DIS3L: variants seen among roughly 807,000 people sequenced by gnomAD.
DIS3L encodes the protein DIS3 like exosome 3'-5' exoribonuclease, also known as DIS3-like exonuclease 1.
In DIS3L, 100 loss-of-function variants were observed where a neutral mutation model predicts 120.3. The ratio of observed to expected loss-of-function variants is 0.83; its 90% CI spans 0.71 to 0.98. The LOEUF is 0.98. Among genes scored for constraint, DIS3L ranks in the 50% least tolerant of loss-of-function variants. DIS3L has a pLI of 0.00. For synonymous variants in DIS3L, 426 were observed against 470.6 expected, an observed-to-expected ratio of 0.91 and a Z score of 1.23; for missense variants, 1,196 against 1,314.2, an observed-to-expected ratio of 0.91 and a Z score of 1.39.
chr15:66,308,069 G>A (rs938805959), intron 3 of DIS3L, among the ~76,000 whole-genome samples: 1 of 152,158 alleles, frequency 6.6e-6, no homozygotes, highest in African/African-American at 2.4e-5. Flanking sequence ...CTACTCAGGA[G>A]GCTGAGGCAG....
At chr15:66,310,118 T>C (rs2092745796) in intron 4 of DIS3L, among the ~76,000 whole-genome samples, 1 of 152,188 alleles carries the variant, frequency 6.6e-6, no homozygotes, top group Non-Finnish European at 1.5e-5. Flanking sequence ...AGGCCCTGTA[T>C]TACCCCTGTC....
intron 2 of DIS3L, among the ~76,000 whole-genome samples, chr15:66,302,694 C>T (rs1402689437): frequency 2.6e-5 from 4 of 152,146 alleles, no homozygotes; most frequent in African/African-American, 7.2e-5. Flanking sequence ...TCATGGGTCA[C>T]CTACTCCAGG....
At chr15:66,323,845 C>A (rs2092911018) in intron 11 of DIS3L, among the ~76,000 whole-genome samples, 1 of 152,108 alleles carries the variant, frequency 6.6e-6, no homozygotes, top group Non-Finnish European at 1.5e-5. Context: ...CTGTTGCTGG[C>A]TTTTTAAAGT....
chr15:66,319,100 GTTTT>G (rs1290662856), intron 8 of DIS3L, among the ~76,000 whole-genome samples: 1 of 151,960 alleles, frequency 6.6e-6, no homozygotes, highest in Non-Finnish European at 1.5e-5. Context: ...GTGTTTTTAT[GTTTT>G]TTAATTCTTT....
intron 4 of DIS3L, among the ~76,000 whole-genome samples, chr15:66,309,576 G>A (rs1288867615): frequency 6.6e-6 from 1 of 152,076 alleles, no homozygotes; most frequent in Non-Finnish European, 1.5e-5. Context: ...ACAACCCTAT[G>A]AGGTAGGTAT....
chr15:66,329,779 G>A (rs2092980267), intron 14 of DIS3L: 9 of 935,304 alleles, frequency 9.6e-6, no homozygotes, highest in Non-Finnish European at 1.0e-5. Flanking sequence ...GGGTGTGATG[G>A]CACGCGCCTG....
chr15:66,311,261 G>A (rs1020863146), intron 4 of DIS3L, among the ~76,000 whole-genome samples: 1 of 151,860 alleles, frequency 6.6e-6, no homozygotes, highest in Non-Finnish European at 1.5e-5. Context: ...CACTTGGGGG[G>A]CTGAGGTGGG....
chr15:66,293,657 A>T lies in DIS3L; in HGVS notation c.61A>T (p.Ile21Phe), dbSNP rs2092547327. 1 of 1,433,554 alleles carries T rather than the reference A, an allele frequency of 7.0e-7. No individual in the cohort carries two copies. Among genetic ancestry groups the T allele is most frequent in the East Asian group, 3.2e-5 (1 of 31,086 alleles). The allele number at this position is 1,433,554 out of a possible 1,614,324, so 88.8% of individuals were successfully genotyped here. A position where few individuals can be genotyped will look rare whatever the true frequency, so the allele number is the denominator to read the frequency against. The change falls in exon 1 of 17, where the codon ATC becomes TTC. Residue 21 changes from isoleucine (I) to phenylalanine (F), a missense_variant. Coordinates refer to ENST00000319212, the MANE Select transcript of DIS3L (RefSeq NM_001143688.3). Reference sequence around the variant, plus strand: ...GACCTTCCAGGGCCGCACGCTGCGGATCGTGCGCGAGCACTACCTGCGGCC... The same window carrying T: ...GACCTTCCAGGGCCGCACGCTGCGGTTCGTGCGCGAGCACTACCTGCGGCC... ...LRTFQGRTLRIVREHYLRPCV... is the reference protein window; with the variant it reads ...LRTFQGRTLRFVREHYLRPCV...
At chr15:66,298,988 C>T (rs183154880) in intron 2 of DIS3L, among the ~76,000 whole-genome samples, 129 of 152,242 alleles carry the variant, frequency 8.5e-4, no homozygotes, top group African/African-American at 2.7e-3. Flanking sequence ...AGGGATGGGG[C>T]GCCAGGAGAG....
chr15:66,321,835 T>C (rs2140388963), intron 9 of DIS3L, among the ~76,000 whole-genome samples: 1 of 152,230 alleles, frequency 6.6e-6, no homozygotes, highest in South Asian at 2.1e-4. Context: ...TTGATCATTC[T>C]CTTGGAATGT....
chr15:66,311,166 C>T (rs1438298733), intron 4 of DIS3L, among the ~76,000 whole-genome samples: 2 of 151,826 alleles, frequency 1.3e-5, no homozygotes, highest in Admixed American at 6.6e-5. Context: ...AGTTTGAGAC[C>T]AGCCTGGGCA....
chr15:66,326,406 T>C, intron 12 of DIS3L, 42 bp downstream of exon 12: 1 of 1,580,360 alleles, frequency 6.3e-7, no homozygotes, highest in South Asian at 1.1e-5. Context: ...AGTGGCATGC[T>C]GTATATTTAG....
chr15:66,294,839 G>T, intron 1 of DIS3L, 149 bp from the exon 2 acceptor site: 1 of 802,596 alleles, frequency 1.2e-6, no homozygotes, highest in Non-Finnish European at 1.9e-6. Context: ...CCTGAACTTT[G>T]GGCCTCTACC....
rs755441452 is a variant in DIS3L, at chr15:66,306,899, A to G, written c.369A>G (p.Gln123=). 8 of 1,614,054 alleles carry G rather than the reference A, an allele frequency of 5.0e-6. No individual in the cohort carries two copies. The highest frequency in any genetic ancestry group is 2.7e-5 in the African/African-American group (2 of 74,934). The stretch of plus-strand genomic sequence containing the variant: ...TTCTCTTTGCTAATGAATTCCAGCA[A>G]TGCTGCTATCTGCCACGGGAAAGAG... ...DCILFANEFQ[Q]CCYLPRERGE... is the part of the protein sequence containing the mutation. The change falls in exon 3 of 17, where the codon CAA becomes CAG. Residue 123 remains glutamine (Q), a synonymous_variant. Coordinates refer to ENST00000319212, the MANE Select transcript of DIS3L (RefSeq NM_001143688.3).
chr15:66,313,847 G>A (rs1230882315), intron 5 of DIS3L, among the ~76,000 whole-genome samples, 192 bp from the exon 6 acceptor site: 2 of 148,584 alleles, frequency 1.3e-5, no homozygotes, highest in Non-Finnish European at 3.0e-5. Flanking sequence ...GTATATGTGT[G>A]TGCGTATATA....
At chr15:66,325,111 T>C (rs2092922237) in intron 11 of DIS3L, among the ~76,000 whole-genome samples, 1 of 152,152 alleles carries the variant, frequency 6.6e-6, no homozygotes, top group South Asian at 2.1e-4. Flanking sequence ...ATAGAGGACA[T>C]GGCCGGGCAC....
intron 4 of DIS3L, among the ~76,000 whole-genome samples, chr15:66,309,094 A>AAAAAATATATATAT: frequency 0.03 from 461 of 15,316 alleles, 121 homozygotes; most frequent in Middle Eastern, 0.12. Flanking sequence ...AAAAAAAAAA[A>AAAAAATATATATAT]ATATATATAT....
intron 2 of DIS3L, among the ~76,000 whole-genome samples, chr15:66,304,089 CAAAAAAAAAAAA>C (rs34711611): frequency 2.8e-5 from 2 of 72,640 alleles, no homozygotes; most frequent in Admixed American, 1.8e-4. Context: ...GACTCTGTTT[CAAAAAAAAAAAA>C]AAAAAAAAAA....
intron 15 of DIS3L, among the ~76,000 whole-genome samples, 153 bp downstream of exon 15, chr15:66,332,173 T>C (rs958964969): frequency 6.6e-6 from 1 of 152,172 alleles, no homozygotes; most frequent in African/African-American, 2.4e-5. Context: ...AATGTGAAGA[T>C]TGGAGGCCAG....
Sources: gnomAD v4.1 joint callset for allele counts (sites outside exome capture counted in the v4.1 genomes callset) on GRCh38, gnomAD v4.1.1 for gene constraint, MANE v1.5 for transcripts, NCBI Gene and HGNC (gene_info 2026-07-23, HGNC 2026-07-21) for gene names.